Variants in MED24 observed in about 807,000 individuals in gnomAD.
MED24 encodes the protein mediator of RNA polymerase II transcription subunit 24.
In MED24, 74 loss-of-function variants were observed where a neutral mutation model predicts 118.8. The ratio of observed to expected loss-of-function variants is 0.62; its 90% CI spans 0.52 to 0.76. MED24 has a LOEUF of 0.76. Among genes scored for constraint, MED24 ranks in the 30% least tolerant of loss-of-function variants. MED24 has a pLI of 0.00. For synonymous variants in MED24, 521 were observed against 523.9 expected, an observed-to-expected ratio of 0.99 and a Z score of 0.08; for missense variants, 1,041 against 1,278.9, an observed-to-expected ratio of 0.81 and a Z score of 2.84.
Position 40,022,409 on chromosome 17 carries a change from G to C in MED24, c.2508C>G (p.His836Gln), listed in dbSNP as rs753624032. The C allele has an allele frequency of 6.2e-7, 1 of 1,610,130 alleles. No homozygotes were observed. Among genetic ancestry groups the C allele is most frequent in the Non-Finnish European group, 8.5e-7 (1 of 1,178,380 alleles). Residue 836 changes from histidine (H) to glutamine (Q), a missense_variant, in exon 22 of 26, where the codon CAC (histidine) becomes CAG (glutamine). Coordinates refer to ENST00000394128, the MANE Select transcript of MED24 (RefSeq NM_014815.4). ...GGGGGCCTACCTCAATGTCTTCGCGGTGTCTCTTCTTCTGGCGGGTGGACG... is the reference window on the plus strand; with the variant it reads ...GGGGGCCTACCTCAATGTCTTCGCGCTGTCTCTTCTTCTGGCGGGTGGACG... ...GQASTRQKKR[H>Q]REDIEDYISL...
intron 18 of MED24, 84 bp from the exon 19 acceptor site, chr17:40,026,415 A>G: frequency 6.6e-7 from 1 of 1,526,188 alleles, no homozygotes; most frequent in Non-Finnish European, 8.9e-7. Flanking sequence ...GCGGGCAGCT[A>G]AGTGCAGCGG....
rs1333169589 is a variant in MED24 at position 40,035,260 on chromosome 17, G to A, written c.416C>T (p.Ala139Val). The change falls in exon 6 of 26, where the codon GCA becomes GTA. Residue 139 changes from alanine (A) to valine (V), a missense_variant. Physicochemically the swap from Ala to Val is moderately conservative, Grantham distance 64. Around this residue, in one of 3 missense-constraint regions of MED24, gnomAD observed 434 missense variants for 514.9 expected, o/e 0.84. Coordinates refer to ENST00000394128, the MANE Select transcript of MED24 (RefSeq NM_014815.4). ...HWLLRCTAAS[A>V]ERLREGLEAG... Reference sequence around the variant, plus strand: ...CTCCAGCCCCTCCCGCAGCCGCTCTGCAGAGGCTGCCGTGCAGCGCAGCAG... The same window carrying A: ...CTCCAGCCCCTCCCGCAGCCGCTCTACAGAGGCTGCCGTGCAGCGCAGCAG... 1 of 1,613,862 alleles carries A rather than the reference G, an allele frequency of 6.2e-7. No individual in the cohort carries two copies. The highest frequency in any genetic ancestry group is 8.5e-7 in the Non-Finnish European group (1 of 1,179,956).
rs747368077 is a variant in MED24, at chr17:40,026,343, G to A, written c.1810-12C>T. The A allele has an allele frequency of 1.6e-5, 26 of 1,610,458 alleles. No homozygotes were observed. Among genetic ancestry groups the A allele is most frequent in the South Asian group, 1.1e-4 (10 of 90,966 alleles). On this transcript the variant is annotated splice_polypyrimidine_tract_variant and intron_variant, in intron 18 of 25. Coordinates refer to ENST00000394128, the MANE Select transcript of MED24 (RefSeq NM_014815.4). ...TTATCAGTGATTTTCTAGGGGAGAC[G>A]GAAAGGTGATGGGCTACCATCTATC...
At chr17:40,035,870 T>G in intron 4 of MED24, 75 bp from the exon 5 acceptor site, 2 of 1,422,158 alleles carry the variant, frequency 1.4e-6, no homozygotes, top group Non-Finnish European at 2.0e-6. Flanking sequence ...AGACGGTGCA[T>G]TCAGGACTCC....
intron 25 of MED24, 59 bp downstream of exon 25, chr17:40,019,726 C>A: frequency 6.3e-7 from 1 of 1,597,778 alleles, no homozygotes; most frequent in South Asian, 1.1e-5. Context: ...CCCCTCCCTG[C>A]TCTAAGGGCT....
intron 3 of MED24, among the ~76,000 whole-genome samples, chr17:40,040,909 G>A (rs1200623770): frequency 3.9e-5 from 6 of 152,026 alleles, no homozygotes; most frequent in Admixed American, 1.3e-4. Context: ...CACTGAACCC[G>A]GCCTTTTTAA....
rs767446754 is a variant in MED24, at chr17:40,027,017, C to A, written c.1548G>T (p.Ser516=). 3.7e-6 allele frequency: 6 copies of A among 1,614,062 alleles called. No homozygotes were observed. In the Admixed American group the frequency reaches 8.3e-5, roughly 22 times the overall value. The change falls in exon 17 of 26, where the codon TCG becomes TCT. Residue 516 remains serine, a synonymous_variant. Coordinates refer to ENST00000394128, the MANE Select transcript of MED24 (RefSeq NM_014815.4). ...AGAAGGGCACCTCAGCTCCTGTGCG[C>A]GACTCGGACAGAATCACCTGGGAAA... ...TYGSEVILSE[S]RTGAEVPFFE...
rs1224890104 is a variant in MED24, at chr17:40,051,136, CAA to C, written c.213+2160_213+2161del. On this transcript the variant is annotated intron_variant, in intron 3 of 25. Transcript: ENST00000394128. ...GGGCAACAAGAGCTAGACTCTGTCT[CAA>C]AAAAAAAAAAAAAAAAAAAAAATTT... Among the ~76,000 whole-genome samples the C allele has an allele frequency of 9.1e-3, 743 of 81,724 alleles. 5 individuals are homozygous for C. The highest frequency in any genetic ancestry group is 0.028 in the African/African-American group (562 of 20,430). 53.6% of individuals were successfully genotyped at this position (81,724 alleles called of 152,430 possible).
chr17:40,026,429 G>T, intron 18 of MED24, 98 bp from the exon 19 acceptor site: 1 of 1,454,570 alleles, frequency 6.9e-7, no homozygotes, highest in Non-Finnish European at 9.4e-7. Context: ...GCAGCGGGTG[G>T]AGTCCCGGGC....
chr17:40,032,281 G>A (rs781717125), intron 9 of MED24, 191 bp from the exon 10 acceptor site: 9 of 638,280 alleles, frequency 1.4e-5, no homozygotes, highest in South Asian at 3.8e-5. Flanking sequence ...CCCAGGCCTA[G>A]GCACAGGACA....
At chr17:40,026,362 A>G (rs760013558) in intron 18 of MED24, 31 bp from the exon 19 acceptor site, 1 of 1,603,472 alleles carries the variant, frequency 6.2e-7, no homozygotes, top group Non-Finnish European at 8.5e-7. Flanking sequence ...ATGGGCTACC[A>G]TCTATCTCCC....
Position 40,033,540 on chromosome 17 carries a change from T to G in MED24, c.560-84A>C. 1 of 1,129,608 alleles carries G rather than the reference T, an allele frequency of 8.9e-7. No homozygotes were observed. The highest frequency in any genetic ancestry group is 1.3e-6 in the Non-Finnish European group (1 of 771,076). 70.0% of individuals were successfully genotyped at this position (1,129,608 alleles called of 1,614,324 possible). The stretch of plus-strand genomic sequence containing the variant: ...GCCCTGAACTCCTCGATTTTGGCAC[T>G]CCCTCCGGCACACGAAACCACACAG... On this transcript the variant is annotated intron_variant, in intron 6 of 25. Coordinates refer to ENST00000394128, the MANE Select transcript of MED24 (RefSeq NM_014815.4). The surrounding 1 kb of genome is among the most constrained non-coding windows in gnomAD (Gnocchi z 5.2).
At chr17:40,027,551 AG>A in intron 15 of MED24, 86 bp from the exon 16 acceptor site, 1 of 1,329,972 alleles carries the variant, frequency 7.5e-7, no homozygotes, top group Non-Finnish European at 1.0e-6. Flanking sequence ...ATTTGCCTCT[AG>A]GAAGGTCAGG....
At chr17:40,046,089 T>A (rs1317448686) in intron 3 of MED24, among the ~76,000 whole-genome samples, 1 of 137,458 alleles carries the variant, frequency 7.3e-6, no homozygotes, top group Non-Finnish European at 1.6e-5. Context: ...TAAAAAAAAT[T>A]TTTTTTTTTT....
chr17:40,023,632 CT>C, intron 19 of MED24: 1 of 469,206 alleles, frequency 2.1e-6, no homozygotes, highest in Non-Finnish European at 3.7e-6. Flanking sequence ...TGGGGAGGGA[CT>C]TTCCTCCCCC....
chr17:40,025,675 ATG>A (rs1982559659), intron 19 of MED24, among the ~76,000 whole-genome samples: 1 of 152,214 alleles, frequency 6.6e-6, no homozygotes. Context: ...GGCAAATCTT[ATG>A]TGTTTTTTAC....
chr17:40,031,113 A>G (rs1462679581), intron 12 of MED24, 46 bp downstream of exon 12: 1 of 1,523,560 alleles, frequency 6.6e-7, no homozygotes, highest in East Asian at 2.4e-5. Flanking sequence ...GTAACAAGAG[A>G]GAGGTCAAGG....
chr17:40,033,118 T>C lies in MED24; in HGVS notation c.760A>G (p.Met254Val), dbSNP rs917428930. ...GACTGCGTCTCGCCTGTCAGGTTCA[T>C]GGTGCCCTCGAGCAGGATCACGGCG... The part of the protein sequence containing the change: ...VHAVILLEGT[M>V]NLTGETQSLV... Residue 254 changes from methionine (M) to valine (V), a missense_variant, in exon 8 of 26, where the codon ATG becomes GTG. Around this residue, in one of 3 missense-constraint regions of MED24, gnomAD observed 434 missense variants for 514.9 expected, o/e 0.84. Coordinates refer to ENST00000394128, the MANE Select transcript of MED24 (RefSeq NM_014815.4). The surrounding 1 kb of genome is among the most constrained non-coding windows in gnomAD (Gnocchi z 5.2). 20 of 1,614,050 alleles carry C rather than the reference T, an allele frequency of 1.2e-5. No homozygotes were observed. The highest frequency in any genetic ancestry group is 1.6e-5 in the Non-Finnish European group (19 of 1,180,044).
chr17:40,053,949 G>T, intron 1 of MED24: 1 of 473,876 alleles, frequency 2.1e-6, no homozygotes, highest in Non-Finnish European at 3.8e-6. Flanking sequence ...TGACCAACAT[G>T]GAGAAACCTC....
Sources: allele counts gnomAD v4.1 joint callset (sites outside exome capture counted in the v4.1 genomes callset), GRCh38; gene constraint gnomAD v4.1.1; regional missense constraint gnomAD v4.1.1; non-coding constraint Gnocchi (gnomAD v3.1); transcripts MANE v1.5; gene names NCBI Gene and HGNC (gene_info 2026-07-23, HGNC 2026-07-21).